The following SMYD1 variants were observed in gnomAD, a reference collection of about 807,000 sequenced individuals.
SMYD1 encodes the protein SET and MYND domain containing 1, also known as histone-lysine N-methyltransferase SMYD1.
In SMYD1, 49 loss-of-function variants were observed where a neutral mutation model predicts 54.0. The observed-to-expected ratio is 0.91, with a 90% CI of 0.72 to 1.15. SMYD1 has a LOEUF of 1.15. Ranked by LOEUF, SMYD1 falls within the 50% of genes most tolerant of loss-of-function variation. SMYD1 has a pLI of 0.00. For synonymous variants in SMYD1, 269 were observed against 234.2 expected (o/e 1.15, Z -1.36); for missense variants, 653 against 639.6 (o/e 1.02, Z -0.23).
intron 6 of SMYD1, among the ~76,000 whole-genome samples, chr2:88,098,942 C>A (rs1382860796): frequency 6.6e-6 from 1 of 152,120 alleles, no homozygotes. Flanking sequence ...CGTATGTAAA[C>A]CTATGTAGAA....
intron 6 of SMYD1, among the ~76,000 whole-genome samples, chr2:88,100,688 A>G (rs1239403274): frequency 6.6e-6 from 1 of 152,204 alleles, no homozygotes; most frequent in Non-Finnish European, 1.5e-5. Context: ...TCTTTGGAAC[A>G]AAGACATGAT....
At chr2:88,091,672 C>A (rs1033140671) in intron 4 of SMYD1, among the ~76,000 whole-genome samples, 4 of 152,036 alleles carry the variant, frequency 2.6e-5, no homozygotes, top group African/African-American at 9.7e-5. Context: ...CACAGTGATA[C>A]CCCCGTATCT....
intron 7 of SMYD1, among the ~76,000 whole-genome samples, chr2:88,105,928 A>C (rs1674857208): frequency 6.8e-6 from 1 of 147,422 alleles, no homozygotes; most frequent in Non-Finnish European, 1.5e-5. Context: ...ATGGAGTGAG[A>C]CTCTTGTCTC....
Position 88,110,675 on chromosome 2 carries a change from A to G in SMYD1, c.*163A>G, listed in dbSNP as rs1334251848. On this transcript the variant is annotated 3_prime_UTR_variant, in exon 10 of 10. Coordinates refer to ENST00000419482, the MANE Select transcript of SMYD1 (RefSeq NM_198274.4). Reference sequence around the variant, plus strand: ...TGTTTCCCAGAGCCATTTTGGCTCAATTCAAGTCTATTCAATTCAAGTTAA... The same window carrying G: ...TGTTTCCCAGAGCCATTTTGGCTCAGTTCAAGTCTATTCAATTCAAGTTAA... 1.2e-5 allele frequency: 9 copies of G among 781,148 alleles called. No individual in the cohort carries two copies. The highest frequency in any genetic ancestry group is 6.0e-5 in the East Asian group (2 of 33,318). 48.4% of individuals were successfully genotyped at this position (781,148 alleles called of 1,614,324 possible). A position where few individuals can be genotyped will look rare whatever the true frequency, so the allele number is the denominator to read the frequency against.
rs1342740916 is a variant in SMYD1, at chr2:88,103,071, T to A, written c.902T>A (p.Val301Glu). 1.2e-6 allele frequency: 2 copies of A among 1,613,962 alleles called. No individual in the cohort carries two copies. The highest frequency in any genetic ancestry group is 3.3e-5 in the Admixed American group (2 of 60,008). Reference protein sequence around the residue: ...VKDNPKPSQEVVKEMIQFSKD... With the variant: ...VKDNPKPSQEEVKEMIQFSKD... ...TCTCTTTCCCAGCCCTCTCAGGAAG[T>A]GGTGAAGGAGATGATACAATTCTCC... Residue 301 changes from valine (V) to glutamate (E), a missense_variant, in exon 7 of 10, where the codon GTG (valine) becomes GAG (glutamate). By Grantham distance (121) the Val-to-Glu change is moderately radical. Transcript: ENST00000419482.
At chr2:88,074,100 A>G (rs562569052) in intron 1 of SMYD1, among the ~76,000 whole-genome samples, 3 of 152,320 alleles carry the variant, frequency 2.0e-5, no homozygotes, top group African/African-American at 7.2e-5. Flanking sequence ...TACTGACCTC[A>G]AGAGATTTGC....
chr2:88,106,500 T>C lies in SMYD1; in HGVS notation c.1145+12T>C. 6.2e-7 allele frequency: 1 copy of C among 1,609,932 alleles called. No homozygotes were observed. On this transcript the variant is annotated intron_variant, in intron 8 of 9. Transcript: ENST00000419482. ...GTGGACGGCTATATGTAGGTGACGA[T>C]TCTAGGTCTCAGATAGTCTCCTGGA... is the stretch of plus-strand genomic sequence containing the variant.
intron 1 of SMYD1, among the ~76,000 whole-genome samples, chr2:88,081,091 C>A (rs1371193865): frequency 6.6e-6 from 1 of 151,942 alleles, no homozygotes; most frequent in Non-Finnish European, 1.5e-5. Context: ...TTAGTAGGGA[C>A]GGGGTTTTGC....
At chr2:88,076,590 G>A (rs1220300102) in intron 1 of SMYD1, among the ~76,000 whole-genome samples, 1 of 152,110 alleles carries the variant, frequency 6.6e-6, no homozygotes, top group Non-Finnish European at 1.5e-5. Context: ...ATAAATACTT[G>A]CAGAATGAAG....
chr2:88,103,115 A>C lies in SMYD1; in HGVS notation c.946A>C (p.Ile316Leu), dbSNP rs1166742703. 8 of 1,614,086 alleles carry C rather than the reference A, an allele frequency of 5.0e-6. No individual in the cohort carries two copies. Among genetic ancestry groups the C allele is most frequent in the Non-Finnish European group, 6.8e-6 (8 of 1,179,974 alleles). ...ATTCTCCAAGGATACATTGGAAAAG[A>C]TAGACAAGGCTCGTTCCGAGGGTTT... ...IQFSKDTLEK[I>L]DKARSEGLYH... The change falls in exon 7 of 10, where the codon ATA (isoleucine) becomes CTA (leucine). Residue 316 changes from isoleucine (I) to leucine (L), a missense_variant. Physicochemically the swap from Ile to Leu is conservative, Grantham distance 5 (BLOSUM62 2). Coordinates refer to ENST00000419482, the MANE Select transcript of SMYD1 (RefSeq NM_198274.4).
intron 2 of SMYD1, among the ~76,000 whole-genome samples, chr2:88,085,352 A>G (rs549047538): frequency 2.0e-5 from 3 of 152,236 alleles, no homozygotes; most frequent in African/African-American, 7.2e-5. Context: ...GCTCCAGCCC[A>G]AGAGATTCCC....
chr2:88,085,083 G>A (rs966143151), intron 2 of SMYD1, among the ~76,000 whole-genome samples: 2 of 151,762 alleles, frequency 1.3e-5, no homozygotes, highest in African/African-American at 4.8e-5. Flanking sequence ...ATCCACCAAT[G>A]TTTAAAAATT....
At chr2:88,068,126 G>A (rs905172098) in intron 1 of SMYD1, 125 bp downstream of exon 1, 2 of 1,330,370 alleles carry the variant, frequency 1.5e-6, no homozygotes, top group South Asian at 1.5e-5. Flanking sequence ...TCAACAAAAT[G>A]GCACTTCTGA....
chr2:88,084,509 C>A lies in SMYD1; in HGVS notation c.314+17C>A. 1 of 1,555,498 alleles carries A rather than the reference C, an allele frequency of 6.4e-7. No individual in the cohort carries two copies. Among genetic ancestry groups the A allele is most frequent in the South Asian group, 1.2e-5 (1 of 86,404 alleles). On this transcript the variant is annotated intron_variant, in intron 2 of 9. Coordinates refer to ENST00000419482, the MANE Select transcript of SMYD1 (RefSeq NM_198274.4). ...GAACATCAGGTGAGAGCTGGGCACC[C>A]TGGTGGTGCTTCAGATTTCCAAATG...
rs904135185 is a variant in SMYD1 at position 88,112,968 on chromosome 2, C to G, written c.*2456C>G. ...TGACCACCTTAGGGCTGATGATTCT[C>G]AAATCTGTATTCCCCGATCTTGCAT... On this transcript the variant is annotated 3_prime_UTR_variant, in exon 10 of 10. Transcript: ENST00000419482. The G allele has an allele frequency of 6.6e-6, 1 of 152,192 alleles. No individual in the cohort carries two copies. The highest frequency in any genetic ancestry group is 1.5e-5 in the Non-Finnish European group (1 of 68,044). The allele number at this position is 152,192 out of a possible 1,614,324, so 9.4% of individuals were successfully genotyped here.
At chr2:88,106,555 A>G (rs1388412914) in intron 8 of SMYD1, 67 bp downstream of exon 8, 2 of 1,545,664 alleles carry the variant, frequency 1.3e-6, no homozygotes, top group African/African-American at 2.7e-5. Flanking sequence ...TGGCAAATAG[A>G]TGGCACATTT....
Position 88,106,375 on chromosome 2 carries a change from T to G in SMYD1, c.1032T>G (p.Ala344=). 1 of 1,614,206 alleles carries G rather than the reference T, an allele frequency of 6.2e-7. No individual in the cohort carries two copies. The highest frequency in any genetic ancestry group is 8.5e-7 in the Non-Finnish European group (1 of 1,180,040). Reference sequence around the variant, plus strand: ...TGGAGAAGCAGGAGCCAGTGTTTGCTGACACCAACATCTACATGCTGCGGA... The same window carrying G: ...TGGAGAAGCAGGAGCCAGTGTTTGCGGACACCAACATCTACATGCTGCGGA... ...ECLEKQEPVF[A]DTNIYMLRML... is the part of the protein sequence containing the mutation. Residue 344 remains alanine (A), a synonymous_variant, in exon 8 of 10, where the codon GCT becomes GCG. Transcript: ENST00000419482.
At chr2:88,098,946 T>C (rs112322852) in intron 6 of SMYD1, among the ~76,000 whole-genome samples, 3 of 152,318 alleles carry the variant, frequency 2.0e-5, no homozygotes, top group Admixed American at 6.5e-5. Context: ...TGTAAACCTA[T>C]GTAGAAATAA....
intron 7 of SMYD1, among the ~76,000 whole-genome samples, chr2:88,103,737 C>T (rs745835659): frequency 1.3e-5 from 2 of 152,128 alleles, no homozygotes; most frequent in Non-Finnish European, 2.9e-5. Flanking sequence ...AGCCGAGACC[C>T]ACTGCCAAAC....
Sources: gnomAD v4.1 joint callset for allele counts (sites outside exome capture counted in the v4.1 genomes callset) on GRCh38, gnomAD v4.1.1 for gene constraint, MANE v1.5 for transcripts, NCBI Gene and HGNC (gene_info 2026-07-23, HGNC 2026-07-21) for gene names.